FOXP4: variants seen among roughly 807,000 people sequenced by gnomAD.
The protein encoded by FOXP4 is forkhead box protein P4.
FOXP4 carries 25 observed loss-of-function variants against 82.6 expected under a neutral mutation model. The ratio of observed to expected loss-of-function variants is 0.30; its 90% CI spans 0.22 to 0.42. The LOEUF (loss-of-function observed/expected upper bound fraction) is 0.42. Ranked by LOEUF, FOXP4 falls within the 10% of genes least tolerant of loss-of-function variation. The pLI, the probability that FOXP4 is intolerant of heterozygous loss-of-function variation, is 1.00. For synonymous variants in FOXP4, 415 were observed against 388.2 expected (o/e 1.07, Z -0.81); for missense variants, 785 against 900.9 (o/e 0.87, Z 1.65).
intron 1 of FOXP4, among the ~76,000 whole-genome samples, chr6:41,550,894 C>T (rs956525837): frequency 6.6e-6 from 1 of 152,144 alleles, no homozygotes; most frequent in African/African-American, 2.4e-5. Flanking sequence ...TTTGGAAACC[C>T]TAGCCTACAC....
intron 12 of FOXP4, among the ~76,000 whole-genome samples, chr6:41,590,590 C>T (rs917867711): frequency 2.6e-5 from 4 of 152,124 alleles, no homozygotes; most frequent in African/African-American, 4.8e-5. Context: ...TGACACCCAC[C>T]GTGGCATTCA....
chr6:41,580,152 C>T (rs377120988), intron 3 of FOXP4, among the ~76,000 whole-genome samples: 1 of 151,306 alleles, frequency 6.6e-6, no homozygotes, highest in Non-Finnish European at 1.5e-5. Flanking sequence ...AGCAGTTTTC[C>T]TGCCTCAGTC....
intron 2 of FOXP4, among the ~76,000 whole-genome samples, chr6:41,568,103 T>G (rs1318729017): frequency 6.6e-6 from 1 of 152,182 alleles, no homozygotes; most frequent in African/African-American, 2.4e-5. Context: ...TGGGGGAGCT[T>G]CAAGGGTAAC....
chr6:41,560,780 A>C (rs1231027534), intron 1 of FOXP4, among the ~76,000 whole-genome samples: 2 of 152,230 alleles, frequency 1.3e-5, no homozygotes, highest in African/African-American at 4.8e-5. Context: ...GCAGGGTGTC[A>C]TGGCAAATGT....
chr6:41,597,862 C>T lies in FOXP4; in HGVS notation c.1807C>T (p.Leu603Phe), dbSNP rs1027944580. 6 of 1,600,282 alleles carry T rather than the reference C, an allele frequency of 3.7e-6. No homozygotes were observed. Among genetic ancestry groups the T allele is most frequent in the Non-Finnish European group, 5.1e-6 (6 of 1,177,266 alleles). The change falls in exon 16 of 17, where the codon CTC becomes TTC. Residue 603 changes from leucine to phenylalanine, a missense_variant. Leu to Phe is a conservative substitution (Grantham distance 22). Coordinates refer to ENST00000307972, the MANE Select transcript of FOXP4 (RefSeq NM_001012426.2). ...TGGCTCCGCCAGCAGCCTGCTGCCC[C>T]TCAGCCACGATGACGTGGGTGCCCC... is the stretch of plus-strand genomic sequence containing the variant. The part of the protein sequence containing the change: ...NPGSASSLLP[L>F]SHDDVGAPVE...
intron 14 of FOXP4, 57 bp downstream of exon 14, chr6:41,595,048 AC>A: frequency 6.2e-7 from 1 of 1,606,204 alleles, no homozygotes; most frequent in South Asian, 1.1e-5. Context: ...GAGCCAACTC[AC>A]CCCCACCCCC....
At chr6:41,550,881 G>A (rs1763958208) in intron 1 of FOXP4, among the ~76,000 whole-genome samples, 2 of 152,160 alleles carry the variant, frequency 1.3e-5, no homozygotes, top group African/African-American at 2.4e-5. Context: ...GAGATTTCTA[G>A]GGTTTGGAAA....
rs1166827288 is a variant in FOXP4 at position 41,576,082 on chromosome 6, G to A, written c.205-1904G>A. ...CCCCACCCTTCCTCCTCTTTCCGCA[G>A]AGCCTTTTGACTTAGAAAGGTCAGA... On this transcript the variant is annotated intron_variant, in intron 2 of 16. Coordinates refer to ENST00000307972, the MANE Select transcript of FOXP4 (RefSeq NM_001012426.2). 2.1e-5 allele frequency among the ~76,000 whole-genome samples: 3 copies of A among 143,446 alleles called. No homozygotes were observed. The East Asian group carries it at 6.6e-4, about 31-fold the overall frequency. 94.1% of individuals were successfully genotyped at this position (143,446 alleles called of 152,430 possible). A position where few individuals can be genotyped will look rare whatever the true frequency, so the allele number is the denominator to read the frequency against.
intron 3 of FOXP4, among the ~76,000 whole-genome samples, chr6:41,580,078 G>A (rs920575161): frequency 1.6e-5 from 2 of 125,790 alleles, no homozygotes; most frequent in African/African-American, 6.2e-5. Context: ...GGAGTCTCTT[G>A]TTGCCCAGGC....
At chr6:41,592,123 C>A (rs78554297) in intron 13 of FOXP4, among the ~76,000 whole-genome samples, 5,737 of 152,088 alleles carry the variant, frequency 0.038, 154 homozygotes, top group South Asian at 0.072. Flanking sequence ...GGGAAGGACT[C>A]CCTCTCAGAA....
At chr6:41,548,171 C>T (rs1463246357) in intron 1 of FOXP4, among the ~76,000 whole-genome samples, 1 of 152,172 alleles carries the variant, frequency 6.6e-6, no homozygotes, top group Non-Finnish European at 1.5e-5. Flanking sequence ...GGCTGGTTTC[C>T]TCGCTCACTC....
Position 41,591,379 on chromosome 6 carries a change from C to T in FOXP4, c.1536+57C>T. 3 of 1,388,794 alleles carry T rather than the reference C, an allele frequency of 2.2e-6. No individual in the cohort carries two copies. Among genetic ancestry groups the T allele is most frequent in the Non-Finnish European group, 1.0e-6 (1 of 1,000,794 alleles). 86.0% of individuals were successfully genotyped at this position (1,388,794 alleles called of 1,614,324 possible). A position where few individuals can be genotyped will look rare whatever the true frequency, so the allele number is the denominator to read the frequency against. On this transcript the variant is annotated intron_variant, in intron 13 of 16. Transcript: ENST00000307972. The surrounding 1 kb of genome is among the most constrained non-coding windows in gnomAD (Gnocchi z 4.2). ...CAGTCACCCTTGGACCTGCCATATC[C>T]CATGGAGACCAAGGCTGCCTAACAA...
chr6:41,593,152 C>T lies in FOXP4; in HGVS notation c.1537-1718C>T, dbSNP rs1766613502. On this transcript the variant is annotated intron_variant, in intron 13 of 16. Transcript: ENST00000307972. This position sits in a 1 kb window ranked among gnomAD's most constrained non-coding sequence, Gnocchi z 4.1. The stretch of plus-strand genomic sequence containing the variant: ...TACTTGGGAAATACACCATCTACAC[C>T]CAACTCTGCTTCCCTTCCACCTCTA... Among the ~76,000 whole-genome samples, 1 of 152,208 alleles carries T rather than the reference C, an allele frequency of 6.6e-6. No homozygotes were observed. Among genetic ancestry groups the T allele is most frequent in the Non-Finnish European group, 1.5e-5 (1 of 68,030 alleles).
intron 12 of FOXP4, 125 bp downstream of exon 12, chr6:41,590,472 G>T: frequency 9.9e-7 from 1 of 1,006,484 alleles, no homozygotes; most frequent in Non-Finnish European, 1.5e-6. Context: ...TCCCTCTCAC[G>T]TGGCGGTCTT....
chr6:41,592,069 G>A (rs1467408744), intron 13 of FOXP4, among the ~76,000 whole-genome samples: 2 of 152,104 alleles, frequency 1.3e-5, no homozygotes, highest in African/African-American at 4.8e-5. Flanking sequence ...GGGGCGGGGG[G>A]AAGAAGGAGA....
At chr6:41,586,427 G>A (rs1386612700) in intron 5 of FOXP4, among the ~76,000 whole-genome samples, 1 of 152,190 alleles carries the variant, frequency 6.6e-6, no homozygotes, top group Non-Finnish European at 1.5e-5. Flanking sequence ...GTGGGGGTAG[G>A]TAGAGTGGGT....
chr6:41,578,204 T>A lies in FOXP4; in HGVS notation c.300+123T>A. 5 of 768,320 alleles carry A rather than the reference T, an allele frequency of 6.5e-6. No individual in the cohort carries two copies. The South Asian group carries it at 9.0e-5, about 14-fold the overall frequency. The allele number at this position is 768,320 out of a possible 1,614,324, so 47.6% of individuals were successfully genotyped here. On this transcript the variant is annotated intron_variant, in intron 3 of 16. Coordinates refer to ENST00000307972, the MANE Select transcript of FOXP4 (RefSeq NM_001012426.2). ...TTCCAACACCAAAAAGTGGGCAACT[T>A]TTCAAAGGAAATACAGTCACTGCAG...
intron 2 of FOXP4, chr6:41,570,351 T>TGG (rs1489329130): frequency 6.4e-6 from 3 of 471,098 alleles, no homozygotes; most frequent in Admixed American, 2.4e-5. Flanking sequence ...TACCAGCTGC[T>TGG]GGGGAATGCT....
chr6:41,562,007 C>T (rs1222527037), intron 1 of FOXP4, among the ~76,000 whole-genome samples: 2 of 152,224 alleles, frequency 1.3e-5, no homozygotes, highest in African/African-American at 2.4e-5. Flanking sequence ...CGCCAGCACC[C>T]TTCCCCATCC....
Sources: allele counts gnomAD v4.1 joint callset (sites outside exome capture counted in the v4.1 genomes callset), GRCh38; gene constraint gnomAD v4.1.1; non-coding constraint Gnocchi (gnomAD v3.1); transcripts MANE v1.5; gene names NCBI Gene and HGNC (gene_info 2026-07-23, HGNC 2026-07-21).